FSD1L: variants seen among roughly 807,000 people sequenced by gnomAD.
The protein encoded by FSD1L is fibronectin type III and SPRY domain containing 1 like, also known as FSD1-like protein.
FSD1L carries 45 observed loss-of-function variants against 71.6 expected under a neutral mutation model. That is an observed-to-expected ratio of 0.63 (90% CI 0.49 to 0.81). FSD1L has a LOEUF of 0.81. Ranked by LOEUF, FSD1L falls within the 30% of genes least tolerant of loss-of-function variation. FSD1L has a pLI of 0.00. For synonymous variants in FSD1L, 197 were observed against 207.2 expected (o/e 0.95, Z 0.42); for missense variants, 561 against 618.1 (o/e 0.91, Z 0.98).
chr9:105,484,204 G>A (rs1221568599), intron 6 of FSD1L, among the ~76,000 whole-genome samples, 177 bp from the exon 7 acceptor site: 4 of 151,996 alleles, frequency 2.6e-5, no homozygotes, highest in Admixed American at 1.3e-4. Context: ...AAGACATTTT[G>A]TAGTTTTTTA....
At chr9:105,524,907 T>C in intron 10 of FSD1L, 1 of 1,611,882 alleles carries the variant, frequency 6.2e-7, no homozygotes, top group Non-Finnish European at 8.5e-7. Flanking sequence ...TCCTGAACTC[T>C]TTGAGAGTCC....
intron 5 of FSD1L, chr9:105,473,334 A>G (rs1375608594): frequency 6.6e-6 from 1 of 152,224 alleles, no homozygotes; most frequent in African/African-American, 2.4e-5. Context: ...AAAGCACTAT[A>G]TCACTTATTT....
At chr9:105,538,673 A>G (rs1296155169) in intron 12 of FSD1L, among the ~76,000 whole-genome samples, 1 of 152,176 alleles carries the variant, frequency 6.6e-6, no homozygotes, top group Non-Finnish European at 1.5e-5. Context: ...ATAGTGGCTC[A>G]TGCTTGTAAT....
intron 10 of FSD1L, among the ~76,000 whole-genome samples, chr9:105,518,920 TAAA>T (rs780382198): frequency 5.3e-5 from 8 of 151,506 alleles, no homozygotes; most frequent in Non-Finnish European, 1.0e-4. Flanking sequence ...GCCCGACTAA[TAAA>T]GAAAAAAAGA....
At chr9:105,491,147 G>T (rs950733758) in intron 7 of FSD1L, among the ~76,000 whole-genome samples, 1 of 152,066 alleles carries the variant, frequency 6.6e-6, no homozygotes, top group African/African-American at 2.4e-5. Context: ...AGCATGGAAT[G>T]TTCTTCCATT....
intron 13 of FSD1L, among the ~76,000 whole-genome samples, 156 bp downstream of exon 13, chr9:105,539,507 T>G (rs1271661742): frequency 6.6e-6 from 1 of 152,156 alleles, no homozygotes; most frequent in East Asian, 1.9e-4. Context: ...CCCAAATCTG[T>G]GATTGTTTTT....
At chr9:105,471,745 T>TATAA (rs1457490113) in intron 4 of FSD1L, among the ~76,000 whole-genome samples, 159 bp from the exon 5 acceptor site, 25 of 147,046 alleles carry the variant, frequency 1.7e-4, no homozygotes, top group Admixed American at 8.2e-4. Flanking sequence ...TATATATATA[T>TATAA]AACTTGATTA....
rs1174899913 is a variant in FSD1L, at chr9:105,549,597, T to A, written c.*3114T>A. The A allele has an allele frequency of 6.6e-6, 1 of 152,038 alleles. No homozygotes were observed. Among genetic ancestry groups the A allele is most frequent in the Non-Finnish European group, 1.5e-5 (1 of 67,920 alleles). 9.4% of individuals were successfully genotyped at this position (152,038 alleles called of 1,614,324 possible). On this transcript the variant is annotated 3_prime_UTR_variant, in exon 14 of 14. Coordinates refer to ENST00000481272, the MANE Select transcript of FSD1L (RefSeq NM_001145313.3). Reference sequence around the variant, plus strand: ...GGCTAGACTTTGCCTATTTACTCTGTTATGCAAACAGTAATTTTTCCCTAT... The same window carrying A: ...GGCTAGACTTTGCCTATTTACTCTGATATGCAAACAGTAATTTTTCCCTAT...
chr9:105,523,408 C>G (rs1051177148), intron 10 of FSD1L: 8 of 1,605,098 alleles, frequency 5.0e-6, no homozygotes, highest in Admixed American at 3.3e-5. Context: ...GCAGGAGGTA[C>G]TCTGACTGGA....
chr9:105,523,521 T>G (rs898488029), intron 10 of FSD1L: 1 of 1,612,902 alleles, frequency 6.2e-7, no homozygotes, highest in Non-Finnish European at 8.5e-7. Flanking sequence ...AGTTTTTGAT[T>G]ACCTCTGTGA....
At chr9:105,533,694 T>G (rs1836068902) in intron 10 of FSD1L, among the ~76,000 whole-genome samples, 1 of 147,294 alleles carries the variant, frequency 6.8e-6, no homozygotes, top group Non-Finnish European at 1.5e-5. Flanking sequence ...TTGCTGAGAT[T>G]AGAAGCATGA....
At chr9:105,460,878 T>C (rs777166881) in intron 1 of FSD1L, among the ~76,000 whole-genome samples, 3 of 152,344 alleles carry the variant, frequency 2.0e-5, no homozygotes, top group Non-Finnish European at 4.4e-5. Context: ...TGTTATGGTA[T>C]TGGACCCCGA....
chr9:105,548,884 G>A lies in FSD1L; in HGVS notation c.*2401G>A, dbSNP rs1278164227. On this transcript the variant is annotated 3_prime_UTR_variant, in exon 14 of 14. Transcript: ENST00000481272. ...CAAGATGTGGTTTTTTGTTTAAGACGTTTTTAGTTTATTTGTTGTTAAGTT... is the reference window on the plus strand; with the variant it reads ...CAAGATGTGGTTTTTTGTTTAAGACATTTTTAGTTTATTTGTTGTTAAGTT... 1 of 151,950 alleles carries A rather than the reference G, an allele frequency of 6.6e-6. No individual in the cohort carries two copies. Among genetic ancestry groups the A allele is most frequent in the African/African-American group, 2.4e-5 (1 of 41,392 alleles). 9.4% of individuals were successfully genotyped at this position (151,950 alleles called of 1,614,324 possible). A position where few individuals can be genotyped will look rare whatever the true frequency, so the allele number is the denominator to read the frequency against.
intron 11 of FSD1L, 79 bp downstream of exon 11, chr9:105,534,672 T>C (rs1836149093): frequency 1.3e-6 from 1 of 794,438 alleles, no homozygotes; most frequent in Non-Finnish European, 2.0e-6. Context: ...CCACTCAAAG[T>C]GACTGCCTGT....
chr9:105,531,439 T>C (rs1835889008), intron 10 of FSD1L, among the ~76,000 whole-genome samples: 1 of 152,234 alleles, frequency 6.6e-6, no homozygotes, highest in African/African-American at 2.4e-5. Flanking sequence ...ACCATAGTCA[T>C]GATTGTTAAT....
chr9:105,462,187 A>AT lies in FSD1L; in HGVS notation c.111+580dup, dbSNP rs112158684. Among the ~76,000 whole-genome samples the AT allele has an allele frequency of 6.4e-3, 940 of 146,320 alleles. 14 individuals are homozygous for AT. The highest frequency in any genetic ancestry group is 0.022 in the African/African-American group (888 of 39,942). Reference sequence around the variant, plus strand: ...TTTTTTTTGGTACCAATGTTTTATAATTTTTTTTGGTGGAAAGTTTTTTTA... The same window carrying AT: ...TTTTTTTTGGTACCAATGTTTTATAATTTTTTTTTGGTGGAAAGTTTTTTTA... On this transcript the variant is annotated intron_variant, in intron 2 of 13. Transcript: ENST00000481272.
intron 1 of FSD1L, among the ~76,000 whole-genome samples, chr9:105,455,349 C>T (rs1261124909): frequency 6.6e-6 from 1 of 152,210 alleles, no homozygotes; most frequent in Admixed American, 6.5e-5. Context: ...CTCTGGGTTT[C>T]TTCAGCCTCT....
At chr9:105,462,949 C>G (rs375512148) in intron 2 of FSD1L, among the ~76,000 whole-genome samples, 35 of 151,208 alleles carry the variant, frequency 2.3e-4, no homozygotes, top group African/African-American at 7.3e-4. Context: ...ACCAGCCTGG[C>G]CAACATGGTG....
chr9:105,491,764 T>G (rs1473629539), intron 7 of FSD1L, among the ~76,000 whole-genome samples: 1 of 152,134 alleles, frequency 6.6e-6, no homozygotes, highest in African/African-American at 2.4e-5. Flanking sequence ...AATCATGTGG[T>G]TTTTGTCTTT....
Sources: allele counts gnomAD v4.1 joint callset (sites outside exome capture counted in the v4.1 genomes callset), GRCh38; gene constraint gnomAD v4.1.1; transcripts MANE v1.5; gene names NCBI Gene and HGNC (gene_info 2026-07-23, HGNC 2026-07-21).